Variants in CCDC141 observed in about 807,000 individuals in gnomAD.
CCDC141 encodes coiled-coil domain-containing protein 141.
In CCDC141, 168 loss-of-function variants were observed where a neutral mutation model predicts 181.0. The ratio of observed to expected loss-of-function variants is 0.93; its 90% confidence interval spans 0.82 to 1.05. The LOEUF (loss-of-function observed/expected upper bound fraction) is 1.05. Among genes scored for constraint, CCDC141 ranks in the 50% least tolerant of loss-of-function variants. The pLI, the probability that CCDC141 is intolerant of heterozygous loss-of-function variation, is 0.00. For synonymous variants in CCDC141, 666 were observed against 642.3 expected (o/e 1.04, Z -0.56); for missense variants, 1,902 against 1,788.5 (o/e 1.06, Z -1.14).
At chr2:178,853,927 G>T (rs1355102508) in intron 19 of CCDC141, among the ~76,000 whole-genome samples, 1 of 152,118 alleles carries the variant, frequency 6.6e-6, no homozygotes, top group Non-Finnish European at 1.5e-5. Flanking sequence ...ATTCCTAAGA[G>T]GAATGTTGCA....
intron 2 of CCDC141, among the ~76,000 whole-genome samples, chr2:178,988,326 G>A (rs1184939288): frequency 6.9e-5 from 8 of 115,830 alleles, no homozygotes; most frequent in Non-Finnish European, 1.0e-4. Flanking sequence ...TTGTGGGGTG[G>A]GGGGAGGGGG....
intron 4 of CCDC141, among the ~76,000 whole-genome samples, chr2:178,967,893 T>G (rs747070007): frequency 8.6e-5 from 13 of 151,978 alleles, no homozygotes; most frequent in Non-Finnish European, 7.4e-5. Flanking sequence ...GATGGAGGAA[T>G]ATTTACTAAG....
chr2:178,963,719 T>A (rs576753718), intron 4 of CCDC141, among the ~76,000 whole-genome samples: 1 of 152,008 alleles, frequency 6.6e-6, no homozygotes, highest in South Asian at 2.1e-4. Flanking sequence ...TAAAAAGGCA[T>A]TTTGAGATGA....
the CCDC141 span, among the ~76,000 whole-genome samples, chr2:178,819,586 T>C: frequency 3.9e-5 from 6 of 152,244 alleles, no homozygotes; most frequent in Admixed American, 3.9e-4. Context: ...ATAGTGGTTC[T>C]CAACCAGGGA....
At chr2:179,015,937 A>G (rs1012327868) in intron 2 of CCDC141, among the ~76,000 whole-genome samples, 6 of 145,724 alleles carry the variant, frequency 4.1e-5, no homozygotes, top group Admixed American at 2.1e-4. Context: ...ATAATTTCAT[A>G]TATATCATAT....
chr2:178,871,338 C>A, intron 14 of CCDC141, 89 bp downstream of exon 14: 1 of 1,365,626 alleles, frequency 7.3e-7, no homozygotes, highest in Non-Finnish European at 1.0e-6. Flanking sequence ...AGAAATTCAC[C>A]AGCCTGTTAC....
At chr2:179,045,203 C>A (rs192699052) in intron 2 of CCDC141, among the ~76,000 whole-genome samples, 5 of 146,632 alleles carry the variant, frequency 3.4e-5, no homozygotes, top group Admixed American at 2.7e-4. Flanking sequence ...TGATGTTCCC[C>A]TTCCTGTGTT....
intron 6 of CCDC141, among the ~76,000 whole-genome samples, chr2:178,925,477 A>T (rs1393564786): frequency 6.6e-6 from 1 of 152,250 alleles, no homozygotes; most frequent in East Asian, 1.9e-4. Context: ...CACTGTGCTC[A>T]TAAACAAATC....
At chr2:178,922,241 T>A (rs965773791) in intron 6 of CCDC141, among the ~76,000 whole-genome samples, 4 of 152,212 alleles carry the variant, frequency 2.6e-5, no homozygotes, top group Non-Finnish European at 4.4e-5. Context: ...TTTTATCATA[T>A]CCTTATGAGG....
chr2:179,015,558 C>T lies in CCDC141; in HGVS notation c.225+31726G>A, dbSNP rs1386961629. ...TATATGATATATATATCTCATATCT[C>T]ATATATATCTCATATATCTCATATA... On this transcript the variant is annotated intron_variant, in intron 2 of 23. Coordinates refer to ENST00000443758, the MANE Select transcript of CCDC141 (RefSeq NM_173648.4). 2.1e-4 allele frequency among the ~76,000 whole-genome samples: 5 copies of T among 23,516 alleles called. 1 individual carries two copies. Among genetic ancestry groups the T allele is most frequent in the Non-Finnish European group, 3.0e-4 (3 of 10,162 alleles). The allele number at this position is 23,516 out of a possible 152,430, so 15.4% of individuals were successfully genotyped here. A position where few individuals can be genotyped will look rare whatever the true frequency, so the allele number is the denominator to read the frequency against.
At chr2:179,035,948 G>A (rs1411053826) in intron 2 of CCDC141, among the ~76,000 whole-genome samples, 1 of 152,186 alleles carries the variant, frequency 6.6e-6, no homozygotes, top group Non-Finnish European at 1.5e-5. Context: ...TCTTTTCAAA[G>A]TTGCCAAAAG....
In CCDC141 at chr2:178,959,120, A is replaced by T. The variant is rs188462378; in HGVS notation, c.780+2110T>A. Among the ~76,000 whole-genome samples the T allele has an allele frequency of 4.0e-5, 6 of 148,470 alleles. No homozygotes were observed. The East Asian group carries it at 1.3e-3, about 31-fold the overall frequency. On this transcript the variant is annotated intron_variant, in intron 5 of 23. Coordinates refer to ENST00000443758, the MANE Select transcript of CCDC141 (RefSeq NM_173648.4). ...AGAACACTTGGACACAGGAAGGGGA[A>T]GATCACACACTGGGGCCTGTTGTGG...
At chr2:178,849,384 C>T (rs1386975302) in intron 21 of CCDC141, among the ~76,000 whole-genome samples, 2 of 152,198 alleles carry the variant, frequency 1.3e-5, no homozygotes, top group South Asian at 2.1e-4. Flanking sequence ...CTGTGCTTTG[C>T]TCTACAGCCT....
At chr2:178,978,809 C>T (rs1691238639) in intron 2 of CCDC141, 134 bp from the exon 3 acceptor site, 1 of 676,740 alleles carries the variant, frequency 1.5e-6, no homozygotes, top group South Asian at 2.5e-5. Context: ...AACTGTTATG[C>T]AAGAAGGTGT....
chr2:178,959,871 A>C (rs1218151298), intron 5 of CCDC141, among the ~76,000 whole-genome samples: 3 of 152,196 alleles, frequency 2.0e-5, no homozygotes, highest in African/African-American at 7.2e-5. Flanking sequence ...AAAGTTGACC[A>C]ACACATGTCA....
At chr2:178,891,973 T>C (rs1687174852) in intron 8 of CCDC141, among the ~76,000 whole-genome samples, 1 of 152,144 alleles carries the variant, frequency 6.6e-6, no homozygotes, top group Admixed American at 6.6e-5. Context: ...ATGCCCATTT[T>C]CAAATCAAAT....
chr2:178,818,021 C>T, the CCDC141 span, among the ~76,000 whole-genome samples: 12 of 152,084 alleles, frequency 7.9e-5, no homozygotes, highest in African/African-American at 2.4e-4. Context: ...CAGGCTGGTC[C>T]CAAACTCCTG....
intron 2 of CCDC141, among the ~76,000 whole-genome samples, chr2:178,980,417 T>A (rs1263235734): frequency 1.3e-5 from 2 of 151,894 alleles, no homozygotes; most frequent in Non-Finnish European, 2.9e-5. Flanking sequence ...GCCACTGCAC[T>A]CCAGCCTGGG....
chr2:178,876,064 A>G (rs1041137907), intron 12 of CCDC141: 4 of 152,248 alleles, frequency 2.6e-5, no homozygotes, highest in African/African-American at 4.8e-5. Flanking sequence ...AATAAATGAG[A>G]ATCAGCTAAT....
Sources: gnomAD v4.1 joint callset for allele counts (sites outside exome capture counted in the v4.1 genomes callset) on GRCh38, gnomAD v4.1.1 for gene constraint, MANE v1.5 for transcripts, NCBI Gene and HGNC (gene_info 2026-07-23, HGNC 2026-07-21) for gene names.